Variants in PRSS23 observed in about 807,000 individuals in gnomAD.
PRSS23 encodes the protein protease, serine 23.
Under a neutral mutation model 34.7 loss-of-function variants are expected in PRSS23, and 25 were observed. The observed-to-expected ratio is 0.72, with a 90% CI of 0.53 to 1.01. PRSS23 has a LOEUF of 1.01. Among genes scored for constraint, PRSS23 ranks in the 50% least tolerant of loss-of-function variants. The pLI, the probability that PRSS23 is intolerant of heterozygous loss-of-function variation, is 0.00. For synonymous variants in PRSS23, 176 were observed against 186.6 expected (o/e 0.94, Z 0.46); for missense variants, 445 against 475.6 (o/e 0.94, Z 0.60).
chr11:86,930,358 G>A (rs905160050), intron 2 of PRSS23, among the ~76,000 whole-genome samples: 2 of 152,174 alleles, frequency 1.3e-5, no homozygotes, highest in Admixed American at 6.5e-5. Flanking sequence ...TGAATGTTAG[G>A]AAGGGGAAGC....
upstream of PRSS23, among the ~76,000 whole-genome samples, chr11:86,797,718 A>G (rs576694530): frequency 9.8e-5 from 15 of 152,370 alleles, no homozygotes; most frequent in South Asian, 3.1e-3. Flanking sequence ...TACACTCCGA[A>G]GCAGAGCCAA....
intron 2 of PRSS23, among the ~76,000 whole-genome samples, chr11:86,939,426 A>ATATATATATATATATT: frequency 1.3e-4 from 12 of 94,066 alleles, no homozygotes; most frequent in Non-Finnish European, 2.3e-4. Context: ...ATATATATAT[A>ATATATATATATATATT]TTTTTTAACA....
At chr11:86,841,954 C>T (rs1948451912) in intron 2 of PRSS23, among the ~76,000 whole-genome samples, 1 of 152,200 alleles carries the variant, frequency 6.6e-6, no homozygotes, top group Non-Finnish European at 1.5e-5. Flanking sequence ...CATCCTGATA[C>T]CAAAACCTGG....
chr11:86,881,255 CTTT>C (rs60383309), intron 2 of PRSS23, among the ~76,000 whole-genome samples: 15 of 138,044 alleles, frequency 1.1e-4, no homozygotes, highest in Non-Finnish European at 1.3e-4. Context: ...TTGTTGAGTG[CTTT>C]TTTTTTTTTT....
intron 2 of PRSS23, among the ~76,000 whole-genome samples, chr11:86,861,022 C>T (rs796634885): frequency 2.0e-5 from 3 of 151,676 alleles, no homozygotes; most frequent in African/African-American, 7.3e-5. Context: ...GATATTACTC[C>T]CAATATCGCA....
chr11:86,851,599 AC>A (rs1337787497), intron 2 of PRSS23, among the ~76,000 whole-genome samples: 2 of 152,196 alleles, frequency 1.3e-5, no homozygotes, highest in African/African-American at 4.8e-5. Flanking sequence ...ACCCTTTTCG[AC>A]TTCATGATCT....
In PRSS23 at chr11:86,811,204, G is replaced by T. The variant is rs1159902392; in HGVS notation, c.*2409G>T. ...GGGACAAGTTGAGGTTGTAAAATCT[G>T]CATTTAAATAAACATCTTTGATCAC... On this transcript the variant is annotated 3_prime_UTR_variant, in exon 2 of 2. Transcript: ENST00000280258. 6.0e-6 allele frequency: 1 copy of T among 166,996 alleles called. No homozygotes were observed. Among genetic ancestry groups the T allele is most frequent in the Non-Finnish European group, 1.5e-5 (1 of 68,106 alleles). 10.3% of individuals were successfully genotyped at this position (166,996 alleles called of 1,614,324 possible). A position where few individuals can be genotyped will look rare whatever the true frequency, so the allele number is the denominator to read the frequency against.
intron 2 of PRSS23, among the ~76,000 whole-genome samples, chr11:86,915,662 A>T (rs1234316584): frequency 6.6e-6 from 1 of 151,086 alleles, no homozygotes; most frequent in Non-Finnish European, 1.5e-5. Context: ...ATAGTAACTG[A>T]AAGATAGAAA....
In PRSS23 at chr11:86,846,310, T is replaced by C. The variant is rs568840071; in HGVS notation, c.206+22717T>C. 2.0e-5 allele frequency among the ~76,000 whole-genome samples: 3 copies of C among 152,266 alleles called. No homozygotes were observed. In the East Asian group the frequency reaches 5.8e-4, roughly 29 times the overall value. ...ACTGTGAGTACAATCAGACCTCTTTTGCTTGCTATTCTGTCCTGTCCTTCC... is the reference window on the plus strand; with the variant it reads ...ACTGTGAGTACAATCAGACCTCTTTCGCTTGCTATTCTGTCCTGTCCTTCC... On this transcript the variant is annotated intron_variant, in intron 2 of 2. Coordinates refer to the PRSS23 transcript ENST00000533902.
rs558403719 is a variant in PRSS23 at position 86,805,932 on chromosome 11, G to A, written c.-13-1699G>A. 3.1e-3 allele frequency among the ~76,000 whole-genome samples: 467 copies of A among 152,234 alleles called. 1 individual carries two copies. The highest frequency in any genetic ancestry group is 0.011 in the African/African-American group (441 of 41,544). ...GAGCCTCTTGAGACCCACCCCTTCC[G>A]GGTCCTTGTTTTTGGATGCTTGGTT... On this transcript the variant is annotated intron_variant, in intron 1 of 1. Transcript: ENST00000280258.
chr11:86,910,420 GT>G (rs1343744122), intron 2 of PRSS23: 7 of 152,222 alleles, frequency 4.6e-5, no homozygotes, highest in African/African-American at 1.7e-4. Flanking sequence ...TTAAAAATTA[GT>G]CCAGAATTGT....
intron 2 of PRSS23, among the ~76,000 whole-genome samples, chr11:86,904,979 C>G (rs753813815): frequency 6.6e-6 from 1 of 152,260 alleles, no homozygotes; most frequent in South Asian, 2.1e-4. Flanking sequence ...TCCTTTGAGC[C>G]TGAGTGTTAG....
At chr11:86,878,963 CGTCT>C (rs1565374344) in intron 2 of PRSS23, among the ~76,000 whole-genome samples, 3 of 110,954 alleles carry the variant, frequency 2.7e-5, no homozygotes, top group Admixed American at 8.7e-5. Context: ...GCCGCCATCC[CGTCT>C]AGGAAGTGAG....
chr11:86,870,066 C>T (rs1948674635), intron 2 of PRSS23, among the ~76,000 whole-genome samples: 1 of 152,188 alleles, frequency 6.6e-6, no homozygotes, highest in South Asian at 2.1e-4. Context: ...GTGAATGACT[C>T]CGCCTGGCCT....
chr11:86,804,755 T>A (rs541372567), intron 1 of PRSS23, among the ~76,000 whole-genome samples: 4 of 152,328 alleles, frequency 2.6e-5, no homozygotes, highest in African/African-American at 9.6e-5. Flanking sequence ...TCTTGAGACA[T>A]AATCATTCAT....
At chr11:86,949,380 G>A (rs1336224102) in intron 2 of PRSS23, 3 of 144,014 alleles carry the variant, frequency 2.1e-5, no homozygotes, top group Admixed American at 1.4e-4. Flanking sequence ...TGAGTCCCTG[G>A]AAATGTTTTT....
chr11:86,897,765 A>G (rs910623954), intron 2 of PRSS23, among the ~76,000 whole-genome samples: 1 of 152,136 alleles, frequency 6.6e-6, no homozygotes, highest in African/African-American at 2.4e-5. Flanking sequence ...ACCACACCTG[A>G]CCAGTTTATG....
chr11:86,871,157 A>G (rs540074224), intron 2 of PRSS23, among the ~76,000 whole-genome samples: 1 of 152,312 alleles, frequency 6.6e-6, no homozygotes, highest in Non-Finnish European at 1.5e-5. Context: ...CTACTAGCAG[A>G]TCATCTTGAT....
chr11:86,925,567 G>A (rs1469691633), intron 2 of PRSS23, among the ~76,000 whole-genome samples: 1 of 152,082 alleles, frequency 6.6e-6, no homozygotes, highest in African/African-American at 2.4e-5. Context: ...AGAAAGGAAG[G>A]CCCTCCTGAC....
Sources: gnomAD v4.1 joint callset for allele counts (sites outside exome capture counted in the v4.1 genomes callset) on GRCh38, gnomAD v4.1.1 for gene constraint, MANE v1.5 for transcripts, NCBI Gene and HGNC (gene_info 2026-07-23, HGNC 2026-07-21) for gene names.